The following FGF12 variants were observed in gnomAD, a reference collection of about 807,000 sequenced individuals.
FGF12 encodes the protein fibroblast growth factor 12.
Under a neutral mutation model 23.6 loss-of-function variants are expected in FGF12, and 14 were observed. The observed-to-expected ratio is 0.59, with a 90% CI of 0.39 to 0.93. The LOEUF (loss-of-function observed/expected upper bound fraction) is 0.93. Ranked by LOEUF, FGF12 falls within the 40% of genes least tolerant of loss-of-function variation. The pLI is 0.00. For synonymous variants in FGF12, 62 were observed against 77.3 expected (o/e 0.80, Z 1.04); for missense variants, 175 against 217.8 (o/e 0.80, Z 1.24).
rs1258373738 is a variant in FGF12, at chr3:192,647,713, ATATATATATACACATATATACATACATG to A, written c.13+79440_13+79467del. On this transcript the variant is annotated intron_variant, in intron 2 of 5. Coordinates refer to ENST00000445105, the MANE Select transcript of FGF12 (RefSeq NM_004113.6). ...TATATGTATATATGTGTATATATAC[ATATATATATACACATATATACATACATG>A]TATATATACACATATATATATACAC... Among the ~76,000 whole-genome samples the A allele has an allele frequency of 8.9e-3, 1,244 of 139,652 alleles. 13 individuals carry two copies. Among genetic ancestry groups the A allele is most frequent in the African/African-American group, 0.031 (1,172 of 38,420 alleles). 91.6% of individuals were successfully genotyped at this position (139,652 alleles called of 152,430 possible). A position where few individuals can be genotyped will look rare whatever the true frequency, so the allele number is the denominator to read the frequency against.
intron 4 of FGF12, among the ~76,000 whole-genome samples, chr3:192,199,970 G>A (rs1223611906): frequency 1.3e-5 from 2 of 152,072 alleles, no homozygotes; most frequent in African/African-American, 2.4e-5. Context: ...GAGATGAAAC[G>A]TACTGCTCCC....
At chr3:192,456,469 A>G (rs867318358) in intron 2 of FGF12, among the ~76,000 whole-genome samples, 1 of 152,328 alleles carries the variant, frequency 6.6e-6, no homozygotes, top group Admixed American at 6.5e-5. Context: ...CTTTTTTATT[A>G]TAAATGTGAT....
intron 3 of FGF12, among the ~76,000 whole-genome samples, chr3:192,337,408 C>G (rs116565080): frequency 0.014 from 2,204 of 152,052 alleles, 44 homozygotes; most frequent in African/African-American, 0.05. Context: ...CAGAAAGGGA[C>G]TGGCAGATTG....
At chr3:192,658,651 T>A (rs1388710900) in intron 2 of FGF12, among the ~76,000 whole-genome samples, 5 of 152,038 alleles carry the variant, frequency 3.3e-5, no homozygotes, top group Non-Finnish European at 5.9e-5. Context: ...TAAATCATAG[T>A]TTTGCATAAC....
intron 4 of FGF12, among the ~76,000 whole-genome samples, chr3:192,232,713 T>A (rs1719087236): frequency 6.6e-6 from 1 of 151,972 alleles, no homozygotes; most frequent in Non-Finnish European, 1.5e-5. Context: ...ACCCTCCACC[T>A]TCAAATAGGT....
chr3:192,245,762 G>A (rs1711533372), intron 4 of FGF12, among the ~76,000 whole-genome samples: 1 of 152,160 alleles, frequency 6.6e-6, no homozygotes, highest in South Asian at 2.1e-4. Context: ...GAGGCTAGGA[G>A]AAGGAGGCAG....
intron 2 of FGF12, among the ~76,000 whole-genome samples, chr3:192,383,561 A>G (rs1450423738): frequency 6.6e-6 from 1 of 151,630 alleles, no homozygotes; most frequent in Non-Finnish European, 1.5e-5. Flanking sequence ...ACCTATTGCT[A>G]TAAGTAATAG....
At chr3:192,552,951 T>C (rs762830288) in intron 2 of FGF12, among the ~76,000 whole-genome samples, 7 of 151,764 alleles carry the variant, frequency 4.6e-5, no homozygotes, top group Non-Finnish European at 8.8e-5. Flanking sequence ...TGCCAGAAGA[T>C]CTTGAAACAA....
intron 2 of FGF12, among the ~76,000 whole-genome samples, chr3:192,655,058 T>C (rs917792060): frequency 3.3e-5 from 5 of 152,206 alleles, no homozygotes; most frequent in Admixed American, 1.3e-4. Flanking sequence ...AATATTAATA[T>C]AGTAAATTTT....
chr3:192,630,506 C>T (rs1377542320), intron 2 of FGF12, among the ~76,000 whole-genome samples: 1 of 151,246 alleles, frequency 6.6e-6, no homozygotes, highest in East Asian at 1.9e-4. Flanking sequence ...TTCCACGCTT[C>T]CTGTGCTCTT....
intron 2 of FGF12, among the ~76,000 whole-genome samples, chr3:192,582,277 G>A (rs1263593831): frequency 6.6e-6 from 1 of 152,120 alleles, no homozygotes; most frequent in East Asian, 1.9e-4. Flanking sequence ...AAAAATTTAT[G>A]TTTTATTTCA....
intron 4 of FGF12, among the ~76,000 whole-genome samples, chr3:192,287,768 G>A (rs1714535431): frequency 6.6e-6 from 1 of 152,046 alleles, no homozygotes; most frequent in African/African-American, 2.4e-5. Context: ...GGTTGACACG[G>A]CATCTGGATC....
chr3:192,722,262 G>A lies in FGF12; in HGVS notation c.13+4919C>T, dbSNP rs565498954. Among the ~76,000 whole-genome samples, 5 of 152,244 alleles carry A rather than the reference G, an allele frequency of 3.3e-5. No individual in the cohort carries two copies. The East Asian group carries it at 9.6e-4, about 29-fold the overall frequency. ...ATACATCATGATTTTACTGAATTAT[G>A]TTTTACTTATCTCACTATACTGGCT... On this transcript the variant is annotated intron_variant, in intron 2 of 5. Coordinates refer to ENST00000445105, the MANE Select transcript of FGF12 (RefSeq NM_004113.6).
intron 4 of FGF12, among the ~76,000 whole-genome samples, chr3:192,269,283 T>C (rs1055402430): frequency 1.3e-5 from 2 of 152,208 alleles, no homozygotes; most frequent in Non-Finnish European, 2.9e-5. Flanking sequence ...TTTAAAAAAA[T>C]GCCTCTCTTC....
At chr3:192,726,796 G>C in intron 2 of FGF12, 1 of 245,272 alleles carries the variant, frequency 4.1e-6, no homozygotes, top group Non-Finnish European at 7.9e-6. Context: ...TGGATATCAG[G>C]TACAAACGTG....
rs2108777265 is a variant in FGF12 at position 192,409,490 on chromosome 3, G to A, written c.14-48952C>T. On this transcript the variant is annotated intron_variant, in intron 2 of 5. Coordinates refer to ENST00000445105, the MANE Select transcript of FGF12 (RefSeq NM_004113.6). This position sits in a 1 kb window ranked among gnomAD's most constrained non-coding sequence, Gnocchi z 4.8. ...CTGCCCGTGCCCCCTAGGCTCGCGC[G>A]CCCCGGCAGTCAGCAGCTCACAGGC... 6.6e-6 allele frequency among the ~76,000 whole-genome samples: 1 copy of A among 152,278 alleles called. No homozygotes were observed. The highest frequency in any genetic ancestry group is 2.1e-4 in the South Asian group (1 of 4,828).
At chr3:192,659,860 T>C (rs1000034420) in intron 2 of FGF12, among the ~76,000 whole-genome samples, 3 of 152,202 alleles carry the variant, frequency 2.0e-5, no homozygotes, top group African/African-American at 7.2e-5. Flanking sequence ...AGATGGTATC[T>C]CATTGTGGTT....
At chr3:192,145,142 C>A (rs1426727222) in intron 5 of FGF12, among the ~76,000 whole-genome samples, 1 of 152,186 alleles carries the variant, frequency 6.6e-6, no homozygotes, top group South Asian at 2.1e-4. Flanking sequence ...CCTGACTCAG[C>A]CATCTCCTAG....
At chr3:192,460,108 T>A (rs1254957990) in intron 2 of FGF12, among the ~76,000 whole-genome samples, 1 of 152,138 alleles carries the variant, frequency 6.6e-6, no homozygotes, top group Admixed American at 6.5e-5. Flanking sequence ...GGTAACCAAC[T>A]CTACCTTGTG....
Sources: allele counts gnomAD v4.1 joint callset (sites outside exome capture counted in the v4.1 genomes callset), GRCh38; gene constraint gnomAD v4.1.1; non-coding constraint Gnocchi (gnomAD v3.1); transcripts MANE v1.5; gene names NCBI Gene and HGNC (gene_info 2026-07-23, HGNC 2026-07-21).